Variants in COL4A4 observed in about 807,000 individuals in gnomAD.
The protein encoded by COL4A4 is collagen alpha-4(IV) chain.
Under a neutral mutation model 192.9 loss-of-function variants are expected in COL4A4, and 105 were observed. That is an observed-to-expected ratio of 0.54 (90% CI 0.46 to 0.64). The LOEUF is 0.64. Ranked by LOEUF, COL4A4 falls within the 30% of genes least tolerant of loss-of-function variation. COL4A4 has a pLI of 0.00. For synonymous variants in COL4A4, 762 were observed against 769.9 expected, an observed-to-expected ratio of 0.99 and a Z score of 0.17; for missense variants, 1,967 against 2,169.3, an observed-to-expected ratio of 0.91 and a Z score of 1.85.
At chr2:227,127,312 T>G (rs1459539431) in intron 4 of COL4A4, among the ~76,000 whole-genome samples, 1 of 152,112 alleles carries the variant, frequency 6.6e-6, no homozygotes, top group South Asian at 2.1e-4. Flanking sequence ...GATCATCTCT[T>G]TCTTTCTTTC....
At chr2:227,071,089 C>G (rs1057229832) in intron 25 of COL4A4, among the ~76,000 whole-genome samples, 2 of 151,954 alleles carry the variant, frequency 1.3e-5, no homozygotes, top group African/African-American at 4.8e-5. Context: ...TGTAAATGCT[C>G]CACTTCAAAG....
intron 1 of COL4A4, among the ~76,000 whole-genome samples, chr2:227,153,789 T>A (rs976140712): frequency 1.3e-5 from 2 of 152,162 alleles, no homozygotes; most frequent in African/African-American, 4.8e-5. Context: ...TGAGTAAGCA[T>A]GAAAACCTGT....
intron 28 of COL4A4, 73 bp downstream of exon 28, chr2:227,059,332 T>G: frequency 7.8e-7 from 1 of 1,276,768 alleles, no homozygotes; most frequent in Non-Finnish European, 1.1e-6. Context: ...CAAAATAATC[T>G]AAACGTTCTT....
intron 15 of COL4A4, 136 bp downstream of exon 15, chr2:227,102,653 T>C: frequency 1.3e-6 from 1 of 770,342 alleles, no homozygotes; most frequent in South Asian, 1.4e-5. Context: ...TATTCCATAA[T>C]TCTCGTCCAA....
chr2:227,066,136 T>C (rs1188210725), intron 25 of COL4A4, among the ~76,000 whole-genome samples: 1 of 151,942 alleles, frequency 6.6e-6, no homozygotes, highest in Non-Finnish European at 1.5e-5. Context: ...CGATGGAAGA[T>C]GAAATGAAGC....
chr2:226,988,524 C>A, the COL4A4 span: 9 of 1,501,940 alleles, frequency 6.0e-6, 1 homozygote, highest in African/African-American at 1.4e-5. Context: ...ATAGCAGCTG[C>A]CCGCACTGTG....
At chr2:227,064,611 C>A (rs1453286434) in intron 25 of COL4A4, among the ~76,000 whole-genome samples, 4 of 152,100 alleles carry the variant, frequency 2.6e-5, no homozygotes, top group Non-Finnish European at 5.9e-5. Flanking sequence ...AAAATGAAGG[C>A]AAGAATTCTA....
At chr2:226,980,826 T>C in the COL4A4 span, among the ~76,000 whole-genome samples, 1 of 152,192 alleles carries the variant, frequency 6.6e-6, no homozygotes, top group Non-Finnish European at 1.5e-5. Context: ...AGTTCTGGAG[T>C]TTTCTTTTTC....
At chr2:227,049,027 A>C (rs777245839) in intron 34 of COL4A4, among the ~76,000 whole-genome samples, 10 of 152,196 alleles carry the variant, frequency 6.6e-5, no homozygotes, top group Non-Finnish European at 1.5e-4. Context: ...TTTATATTTT[A>C]AATTTCTTTT....
chr2:227,102,780 G>A lies in COL4A4; in HGVS notation c.930+9C>T. 1 of 1,610,984 alleles carries A rather than the reference G, an allele frequency of 6.2e-7. No individual in the cohort carries two copies. The highest frequency in any genetic ancestry group is 8.5e-7 in the Non-Finnish European group (1 of 1,177,208). ...AAATTCACTGATGTTAACAGCAAAT[G>A]ATGCTTACCCGAGGCCCTGGAAATC... is the stretch of plus-strand genomic sequence containing the variant. On this transcript the variant is annotated intron_variant, in intron 15 of 47. Coordinates refer to ENST00000396625, the MANE Select transcript of COL4A4 (RefSeq NM_000092.5).
rs756988792 is a variant in COL4A4, at chr2:227,123,341, T to C, written c.193-2193A>G. On this transcript the variant is annotated intron_variant, in intron 4 of 47. Coordinates refer to ENST00000396625, the MANE Select transcript of COL4A4 (RefSeq NM_000092.5). This position sits in a 1 kb window ranked among gnomAD's most constrained non-coding sequence, Gnocchi z 4.6. ...CCAACCTGAGACTCAGTGAATAAATTAGGGTGCCTTCAAACAGGAAAGCCC... is the reference window on the plus strand; with the variant it reads ...CCAACCTGAGACTCAGTGAATAAATCAGGGTGCCTTCAAACAGGAAAGCCC... 7.9e-5 allele frequency among the ~76,000 whole-genome samples: 12 copies of C among 152,098 alleles called. No homozygotes were observed. Among genetic ancestry groups the C allele is most frequent in the Non-Finnish European group, 1.3e-4 (9 of 68,018 alleles).
intron 40 of COL4A4, among the ~76,000 whole-genome samples, chr2:227,030,896 GC>G (rs1968144782): frequency 6.6e-6 from 1 of 151,658 alleles, no homozygotes. Flanking sequence ...TGTTTGCATT[GC>G]CATCTTACTG....
Position 227,008,058 on chromosome 2 carries a change from T to A in COL4A4, c.4769A>T (p.Gln1590Leu). 1 of 1,613,816 alleles carries A rather than the reference T, an allele frequency of 6.2e-7. No homozygotes were observed. Among genetic ancestry groups the A allele is most frequent in the Non-Finnish European group, 8.5e-7 (1 of 1,180,034 alleles). Residue 1590 changes from glutamine (Q) to leucine (L), a missense_variant, in exon 47 of 48, where the codon CAG becomes CTG. Transcript: ENST00000396625. ...CCCGATCCAGAGGCTCCTCCAGGTC[T>A]GCGGACATGGGGGGATGGACTGGTC... ...SQDQSIPPCP[Q>L]TWRSLWIGYS...
intron 25 of COL4A4, among the ~76,000 whole-genome samples, chr2:227,076,807 C>G (rs973492570): frequency 6.6e-6 from 1 of 152,066 alleles, no homozygotes; most frequent in Admixed American, 6.6e-5. Flanking sequence ...AAACCAACCC[C>G]TTCAAAAAGT....
intron 1 of COL4A4, among the ~76,000 whole-genome samples, chr2:227,163,483 A>T (rs1559778536): frequency 6.6e-6 from 1 of 152,212 alleles, no homozygotes; most frequent in Non-Finnish European, 1.5e-5. Flanking sequence ...ATTTAATTGT[A>T]TTTTATGCAT....
chr2:227,138,495 T>C (rs1334365249), intron 4 of COL4A4, among the ~76,000 whole-genome samples: 2 of 151,854 alleles, frequency 1.3e-5, no homozygotes, highest in Non-Finnish European at 2.9e-5. Context: ...GAGCCAGGCA[T>C]GGTGGCGGGC....
chr2:227,068,350 C>T (rs2150366386), intron 25 of COL4A4, among the ~76,000 whole-genome samples: 1 of 152,296 alleles, frequency 6.6e-6, no homozygotes, highest in Non-Finnish European at 1.5e-5. Context: ...AAGAGGGAAT[C>T]CTCCCTAACT....
chr2:227,108,909 A>G, intron 10 of COL4A4, 41 bp from the exon 11 acceptor site: 1 of 1,592,766 alleles, frequency 6.3e-7, no homozygotes, highest in South Asian at 1.1e-5. Flanking sequence ...ATCATCAGAC[A>G]TAGAAATCAG....
chr2:227,052,342 A>G lies in COL4A4; in HGVS notation c.2931T>C (p.Pro977=). The G allele has an allele frequency of 6.2e-7, 1 of 1,612,864 alleles. No homozygotes were observed. The highest frequency in any genetic ancestry group is 1.1e-5 in the South Asian group (1 of 91,052). The change falls in exon 32 of 48, where the codon CCT becomes CCC. Residue 977 remains proline (P), a synonymous_variant. Transcript: ENST00000396625. ...IISQKGTPGE[P]GPPGDDGFPG... The stretch of plus-strand genomic sequence containing the variant: ...GGAATCCATCATCTCCAGGAGGTCC[A>G]GGTTCCCCAGGTGTTCCCTTTTGTG...
Sources: allele counts gnomAD v4.1 joint callset (sites outside exome capture counted in the v4.1 genomes callset), GRCh38; gene constraint gnomAD v4.1.1; non-coding constraint Gnocchi (gnomAD v3.1); transcripts MANE v1.5; gene names NCBI Gene and HGNC (gene_info 2026-07-23, HGNC 2026-07-21).